The following SLC12A8 variants were observed in gnomAD, a reference collection of about 807,000 sequenced individuals.
SLC12A8 encodes the protein solute carrier family 12 member 8.
A neutral mutation model predicts 75.6 loss-of-function variants in SLC12A8; 69 were observed. The observed-to-expected ratio is 0.91, with a 90% CI of 0.75 to 1.11. SLC12A8 has a LOEUF of 1.11. SLC12A8 is among the 50% of genes most tolerant of loss of function. SLC12A8 has a pLI of 0.00. For missense variants in SLC12A8, 877 were observed against 896.7 expected (o/e 0.98, Z 0.28); for synonymous variants, 365 against 372.8 (o/e 0.98, Z 0.24).
At chr3:125,196,761 T>C (rs1440441264) in intron 2 of SLC12A8, among the ~76,000 whole-genome samples, 2 of 152,110 alleles carry the variant, frequency 1.3e-5, no homozygotes, top group Non-Finnish European at 2.9e-5. Flanking sequence ...AGACCACACC[T>C]CTACAAAAAA....
chr3:125,110,288 G>T lies in SLC12A8; in HGVS notation c.960C>A (p.Ser320=). The T allele has an allele frequency of 6.2e-7, 1 of 1,614,004 alleles. No individual in the cohort carries two copies. The highest frequency in any genetic ancestry group is 8.5e-7 in the Non-Finnish European group (1 of 1,179,916). Residue 320 remains serine (S), a synonymous_variant, in exon 9 of 14, where the codon TCC becomes TCA. Coordinates refer to ENST00000469902, the MANE Select transcript of SLC12A8 (RefSeq NM_024628.6). ...FLFLLGLYIS[S]LASCMGGLYG... The stretch of plus-strand genomic sequence containing the variant: ...AAAGTCCTCCCATGCAGGAAGCCAG[G>T]GACGAGATGTATAAGCCCAAAAGGA...
chr3:125,106,651 A>G (rs1434829023), intron 10 of SLC12A8, among the ~76,000 whole-genome samples: 1 of 152,114 alleles, frequency 6.6e-6, no homozygotes, highest in African/African-American at 2.4e-5. Flanking sequence ...GCGCCCGGCC[A>G]AAACACTATT....
At chr3:125,169,165 T>C (rs1767087) in intron 5 of SLC12A8, among the ~76,000 whole-genome samples, 136,611 of 152,298 alleles carry the variant, frequency 0.9, 61,716 homozygotes, top group Admixed American at 0.95. Context: ...AATAAAATCA[T>C]TTTGGCATGA....
chr3:125,111,981 C>A (rs561418966), intron 8 of SLC12A8, among the ~76,000 whole-genome samples: 1 of 152,184 alleles, frequency 6.6e-6, no homozygotes, highest in Admixed American at 6.5e-5. Context: ...GGATTCTCAC[C>A]AGCTCTTTAT....
chr3:125,187,546 G>C, intron 3 of SLC12A8, 118 bp from the exon 4 acceptor site: 1 of 871,754 alleles, frequency 1.1e-6, no homozygotes. Flanking sequence ...GCCAGGGGTG[G>C]GGGCACAGAG....
Position 125,139,550 on chromosome 3 carries a change from T to G in SLC12A8, c.623-3768A>C, listed in dbSNP as rs6779945. 2.6e-3 allele frequency among the ~76,000 whole-genome samples: 397 copies of G among 152,320 alleles called. 1 individual carries two copies. The highest frequency in any genetic ancestry group is 9.0e-3 in the African/African-American group (376 of 41,574). On this transcript the variant is annotated intron_variant, in intron 5 of 13. Transcript: ENST00000469902. ...CCAGTCCCCAAAGAGTCTTGCTCACTGGTCCCCATCCTGCCTGCTGGGGCC... is the reference window on the plus strand; with the variant it reads ...CCAGTCCCCAAAGAGTCTTGCTCACGGGTCCCCATCCTGCCTGCTGGGGCC...
intron 5 of SLC12A8, 138 bp from the exon 6 acceptor site, chr3:125,135,920 C>G: frequency 2.0e-6 from 1 of 488,236 alleles, no homozygotes; most frequent in Admixed American, 3.6e-5. Context: ...AGCGACAGAG[C>G]GGGTCTGCAG....
At chr3:125,186,617 C>A (rs1046615034) in intron 4 of SLC12A8, among the ~76,000 whole-genome samples, 3 of 152,244 alleles carry the variant, frequency 2.0e-5, no homozygotes, top group Non-Finnish European at 4.4e-5. Context: ...CATTAAGTCA[C>A]CATGCCTGTG....
chr3:125,099,174 T>C (rs1473110170), intron 10 of SLC12A8, among the ~76,000 whole-genome samples: 1 of 148,844 alleles, frequency 6.7e-6, no homozygotes, highest in Non-Finnish European at 1.5e-5. Context: ...ATGCAGAGCC[T>C]TAAGGGCTAT....
At chr3:125,093,610 A>G (rs759143700) in intron 10 of SLC12A8, among the ~76,000 whole-genome samples, 1 of 152,148 alleles carries the variant, frequency 6.6e-6, no homozygotes, top group Non-Finnish European at 1.5e-5. Flanking sequence ...CCCACATACC[A>G]TTAATATTTC....
At chr3:125,163,896 C>T (rs1934232470) in intron 5 of SLC12A8, among the ~76,000 whole-genome samples, 3 of 152,242 alleles carry the variant, frequency 2.0e-5, no homozygotes, top group Non-Finnish European at 4.4e-5. Flanking sequence ...GCCCTGTGGG[C>T]TGAGCTGGGA....
At position 125,178,096 on chromosome 3, in the gene SLC12A8, G is replaced by A. The variant is rs1305868719; in HGVS notation, c.391-122C>T. The A allele has an allele frequency of 1.2e-5, 10 of 806,822 alleles. No individual in the cohort carries two copies. The East Asian group carries it at 1.3e-4, about 11-fold the overall frequency. The allele number at this position is 806,822 out of a possible 1,614,324, so 50.0% of individuals were successfully genotyped here. A position where few individuals can be genotyped will look rare whatever the true frequency, so the allele number is the denominator to read the frequency against. On this transcript the variant is annotated intron_variant, in intron 4 of 13. Coordinates refer to ENST00000469902, the MANE Select transcript of SLC12A8 (RefSeq NM_024628.6). ...ACACACTCACTGGCACCAAGGCACA[G>A]TGCCTGGGACCAGTGCAGGGTTAAA...
At chr3:125,130,428 C>T (rs1933322823) in intron 6 of SLC12A8, among the ~76,000 whole-genome samples, 1 of 151,768 alleles carries the variant, frequency 6.6e-6, no homozygotes, top group Admixed American at 6.6e-5. Flanking sequence ...TCCATCTCTA[C>T]TAAAAATACA....
chr3:125,204,202 C>T (rs1030470322), intron 2 of SLC12A8, among the ~76,000 whole-genome samples: 4 of 152,170 alleles, frequency 2.6e-5, no homozygotes, highest in African/African-American at 9.7e-5. Context: ...AAAAATAGAA[C>T]TACCATATGA....
At chr3:125,181,020 G>C (rs916392089) in intron 4 of SLC12A8, among the ~76,000 whole-genome samples, 4 of 152,146 alleles carry the variant, frequency 2.6e-5, no homozygotes, top group Non-Finnish European at 5.9e-5. Context: ...TGTCTTGGTT[G>C]AGAAGTGTAG....
Position 125,101,794 on chromosome 3 carries a change from G to A in SLC12A8, c.1705+5687C>T, listed in dbSNP as rs72963843. On this transcript the variant is annotated intron_variant, in intron 10 of 13. Transcript: ENST00000469902. ...ATAGCATCTGGTTTGTCAACGATTA[G>A]GTTCTTATAATAGTTTAACTCTTTC... Among the ~76,000 whole-genome samples the A allele has an allele frequency of 4.6e-3, 708 of 152,264 alleles. 5 individuals are homozygous for A. Among genetic ancestry groups the A allele is most frequent in the Middle Eastern group, 0.02 (6 of 294 alleles).
chr3:125,116,536 C>G (rs1309208588), intron 8 of SLC12A8, among the ~76,000 whole-genome samples: 1 of 152,134 alleles, frequency 6.6e-6, no homozygotes, highest in Non-Finnish European at 1.5e-5. Flanking sequence ...GGATTTCCAC[C>G]CACAAAGGCT....
At chr3:125,084,960 C>T (rs896974865) in intron 13 of SLC12A8, among the ~76,000 whole-genome samples, 11 of 152,184 alleles carry the variant, frequency 7.2e-5, no homozygotes, top group African/African-American at 2.7e-4. Context: ...ATATGGAATA[C>T]ATTTGAGAGT....
Position 125,082,789 on chromosome 3 carries a change from T to G in SLC12A8, c.*1101A>C, listed in dbSNP as rs1052337538. On this transcript the variant is annotated 3_prime_UTR_variant, in exon 14 of 14. Transcript: ENST00000469902. ...TGCACATTTGTACAAGATTATTCAC[T>G]GCAGAGCTGATTGTCATTGCAAAAG... 1.4e-4 allele frequency: 21 copies of G among 152,360 alleles called. No individual in the cohort carries two copies. Among genetic ancestry groups the G allele is most frequent in the African/African-American group, 5.0e-4 (21 of 41,590 alleles). The allele number at this position is 152,360 out of a possible 1,614,324, so 9.4% of individuals were successfully genotyped here.
Sources: gnomAD v4.1 joint callset for allele counts (sites outside exome capture counted in the v4.1 genomes callset) on GRCh38, gnomAD v4.1.1 for gene constraint, MANE v1.5 for transcripts, NCBI Gene and HGNC (gene_info 2026-07-23, HGNC 2026-07-21) for gene names.